ALAS1: variants seen among roughly 807,000 people sequenced by gnomAD.
The protein encoded by ALAS1 is 5-aminolevulinate synthase, non-specific, mitochondrial.
Under a neutral mutation model 59.6 loss-of-function variants are expected in ALAS1, and 29 were observed. The ratio of observed to expected loss-of-function variants is 0.49; its 90% CI spans 0.36 to 0.66. ALAS1 has a LOEUF of 0.66. Ranked by LOEUF, ALAS1 falls within the 30% of genes least tolerant of loss-of-function variation. The probability of loss-of-function intolerance (pLI) is 0.00; values close to 1 mark genes in which losing one functional copy is unlikely to be tolerated. For synonymous variants in ALAS1, 299 were observed against 296.6 expected (o/e 1.01, Z -0.08); for missense variants, 690 against 807.5 (o/e 0.85, Z 1.76).
intron 9 of ALAS1, 100 bp downstream of exon 9, chr3:52,208,347 G>A (rs931109255): frequency 2.0e-5 from 27 of 1,327,702 alleles, no homozygotes; most frequent in Middle Eastern, 3.9e-4. Flanking sequence ...CAGCCTGACA[G>A]CATATGAAGC....
At chr3:52,200,138 AT>A (rs987504042) in intron 3 of ALAS1, among the ~76,000 whole-genome samples, 1 of 150,450 alleles carries the variant, frequency 6.6e-6, no homozygotes, top group Non-Finnish European at 1.5e-5. Context: ...TAAAGTAGTG[AT>A]TTTTTTTTTC....
chr3:52,211,945 T>C (rs1416845613), intron 10 of ALAS1, among the ~76,000 whole-genome samples: 1 of 152,232 alleles, frequency 6.6e-6, no homozygotes, highest in African/African-American at 2.4e-5. Context: ...GTGTAATGAA[T>C]ACAGCTAGTA....
rs745368562 is a variant in ALAS1 at position 52,206,020 on chromosome 3, C to T, written c.982C>T (p.Pro328Ser). ...CCTCTTCACCCTGGCTAAGATGATG[C>T]CAGGTAAGGAAGCCTGGCATGAGTG... ...STLFTLAKMM[P>S]GCEIYSDSGN... Residue 328 changes from proline to serine, a missense_variant, in exon 7 of 12, where the codon CCA becomes TCA. By Grantham distance (74) the Pro-to-Ser change is moderately conservative. Transcript: ENST00000484952. 3.8e-6 allele frequency: 6 copies of T among 1,590,260 alleles called. No homozygotes were observed. In the East Asian group the frequency reaches 9.0e-5, roughly 24 times the overall value.
chr3:52,204,736 T>A lies in ALAS1; in HGVS notation c.621T>A (p.Ile207=). The A allele has an allele frequency of 1.2e-6, 2 of 1,614,160 alleles. No individual in the cohort carries two copies. The highest frequency in any genetic ancestry group is 4.5e-5 in the East Asian group (2 of 44,894). ...ATGATCGTTTCTTTGAGAAAAAAAT[T>A]GATGAGAAAAAGAATGACCACACCT... ...FQYDRFFEKK[I]DEKKNDHTYR... Residue 207 remains isoleucine (I), a synonymous_variant, in exon 6 of 12, where the codon ATT becomes ATA. Transcript: ENST00000484952.
chr3:52,199,639 G>A (rs1010991301), intron 3 of ALAS1, among the ~76,000 whole-genome samples, 199 bp downstream of exon 3: 2 of 152,166 alleles, frequency 1.3e-5, no homozygotes, highest in East Asian at 1.9e-4. Context: ...CTTTAAAGGT[G>A]AAACAGTGGC....
intron 7 of ALAS1, 149 bp from the exon 8 acceptor site, chr3:52,206,423 T>TA: frequency 1.1e-6 from 1 of 896,204 alleles, no homozygotes; most frequent in South Asian, 1.6e-5. Context: ...ACTAACTAGT[T>TA]ATTTTGCCAG....
chr3:52,211,271 A>G lies in ALAS1; in HGVS notation c.1331-12A>G, dbSNP rs753766371. The G allele has an allele frequency of 6.1e-5, 99 of 1,609,832 alleles. No individual in the cohort carries two copies. The highest frequency in any genetic ancestry group is 1.6e-4 in the Middle Eastern group (1 of 6,076). The stretch of plus-strand genomic sequence containing the variant: ...AGCTGTTGCTGTAATTAATGAAGCT[A>G]TCTCCTCCCAGGCAAAGCCTTTGGT... On this transcript the variant is annotated splice_polypyrimidine_tract_variant and intron_variant, in intron 9 of 11. Transcript: ENST00000484952.
intron 9 of ALAS1, among the ~76,000 whole-genome samples, chr3:52,208,709 G>C (rs1295983498): frequency 6.6e-6 from 1 of 152,174 alleles, no homozygotes; most frequent in Non-Finnish European, 1.5e-5. Flanking sequence ...GCTATGTCTC[G>C]TGGTAGATGG....
chr3:52,205,922 G>T lies in ALAS1; in HGVS notation c.884G>T (p.Arg295Leu), dbSNP rs150321206. 6 of 1,614,040 alleles carry T rather than the reference G, an allele frequency of 3.7e-6. No individual in the cohort carries two copies. In the Admixed American group the frequency reaches 5.0e-5, roughly 13 times the overall value. Residue 295 changes from arginine to leucine, a missense_variant, in exon 7 of 12, where the codon CGG (arginine) becomes CTG (leucine). By Grantham distance (102) the Arg-to-Leu change is moderately radical. Coordinates refer to ENST00000484952, the MANE Select transcript of ALAS1 (RefSeq NM_000688.6). ...GTSKFHVDLE[R>L]ELADLHGKDA... is the part of the protein sequence containing the mutation. ...AGTAAATTCCATGTGGACTTAGAGC[G>T]GGAGCTGGCAGACCTCCATGGGAAA...
Position 52,202,725 on chromosome 3 carries a change from G to T in ALAS1, c.418G>T (p.Val140Leu), listed in dbSNP as rs764210286. The T allele has an allele frequency of 6.2e-6, 10 of 1,613,702 alleles. No individual in the cohort carries two copies. In the African/African-American group the frequency reaches 1.1e-4, roughly 17 times the overall value. Residue 140 changes from valine (V) to leucine (L), a missense_variant, in exon 4 of 12, where the codon GTG becomes TTG. Coordinates refer to ENST00000484952, the MANE Select transcript of ALAS1 (RefSeq NM_000688.6). The part of the protein sequence containing the change: ...LQEDVQEMNA[V>L]RKEVAETSAG... ...GGAGGATGTGCAGGAAATGAATGCC[G>T]TGAGGAAAGGTAAGAGATGAGTTGT...
At position 52,212,350 on chromosome 3, in the gene ALAS1, C is replaced by T; in HGVS notation, c.1692C>T (p.Pro564=). 3 of 1,614,142 alleles carry T rather than the reference C, an allele frequency of 1.9e-6. No homozygotes were observed. Among genetic ancestry groups the T allele is most frequent in the Non-Finnish European group, 1.7e-6 (2 of 1,180,024 alleles). ...YVQAINYPTV[P]RGEELLRIAP... ...AAGCAATCAATTACCCTACGGTGCC[C>T]CGGGGAGAAGAGCTCCTACGGATTG... Residue 564 remains proline (P), a synonymous_variant, in exon 11 of 12, where the codon CCC becomes CCT. Coordinates refer to ENST00000484952, the MANE Select transcript of ALAS1 (RefSeq NM_000688.6).
At chr3:52,207,230 A>G (rs1007055353) in intron 8 of ALAS1, among the ~76,000 whole-genome samples, 1 of 151,640 alleles carries the variant, frequency 6.6e-6, no homozygotes, top group African/African-American at 2.4e-5. Flanking sequence ...GTCTCGATCT[A>G]CTGACCTTGT....
At chr3:52,212,888 G>A (rs1048133930) in intron 11 of ALAS1, among the ~76,000 whole-genome samples, 3 of 152,094 alleles carry the variant, frequency 2.0e-5, no homozygotes, top group Non-Finnish European at 4.4e-5. Context: ...AACCCTAAAA[G>A]GTATTTATTG....
chr3:52,204,617 A>G, intron 5 of ALAS1, 76 bp from the exon 6 acceptor site: 1 of 1,254,774 alleles, frequency 8.0e-7, no homozygotes, highest in Non-Finnish European at 1.1e-6. Context: ...TGCCAAGCTG[A>G]GACTTGTTGT....
At chr3:52,205,788 T>G in intron 6 of ALAS1, 51 bp from the exon 7 acceptor site, 1 of 1,530,002 alleles carries the variant, frequency 6.5e-7, no homozygotes, top group Non-Finnish European at 8.9e-7. Flanking sequence ...ATTCACATGG[T>G]GTTGAGAACC....
Position 52,198,835 on chromosome 3 carries a change from T to C in ALAS1, c.-46T>C. On this transcript the variant is annotated 5_prime_UTR_variant, in exon 2 of 12. Transcript: ENST00000484952. Reference sequence around the variant, plus strand: ...CCTGCCTGGATGGATGAGTGGCTTCTTCTCCACCTAGATGTAAGCCAAGAT... The same window carrying C: ...CCTGCCTGGATGGATGAGTGGCTTCCTCTCCACCTAGATGTAAGCCAAGAT... 1 of 1,535,728 alleles carries C rather than the reference T, an allele frequency of 6.5e-7. No individual in the cohort carries two copies. The highest frequency in any genetic ancestry group is 8.7e-7 in the Non-Finnish European group (1 of 1,146,910).
At chr3:52,202,092 A>G (rs938323699) in intron 3 of ALAS1, among the ~76,000 whole-genome samples, 10 of 152,128 alleles carry the variant, frequency 6.6e-5, no homozygotes, top group African/African-American at 2.4e-4. Context: ...GTTCACGCCT[A>G]TAATCCCAGC....
intron 8 of ALAS1, 114 bp downstream of exon 8, chr3:52,206,865 C>A: frequency 1.7e-6 from 2 of 1,154,848 alleles, no homozygotes; most frequent in Non-Finnish European, 1.2e-6. Flanking sequence ...GACCGATCCT[C>A]GCTCTGTTGC....
intron 9 of ALAS1, among the ~76,000 whole-genome samples, chr3:52,209,434 C>G (rs1356660758): frequency 6.6e-6 from 1 of 152,136 alleles, no homozygotes; most frequent in Non-Finnish European, 1.5e-5. Flanking sequence ...TTCTCAATCT[C>G]CTGACCACGT....
Sources: allele counts gnomAD v4.1 joint callset (sites outside exome capture counted in the v4.1 genomes callset), GRCh38; gene constraint gnomAD v4.1.1; transcripts MANE v1.5; gene names NCBI Gene and HGNC (gene_info 2026-07-23, HGNC 2026-07-21).